The following SGCZ variants were observed in gnomAD, a reference collection of about 807,000 sequenced individuals.
SGCZ encodes zeta-sarcoglycan.
A neutral mutation model predicts 41.3 loss-of-function variants in SGCZ; 40 were observed. That is an observed-to-expected ratio of 0.97 (90% CI 0.75 to 1.26). The LOEUF (loss-of-function observed/expected upper bound fraction) is 1.26, where lower values mean the gene tolerates loss of function less well. Ranked by LOEUF, SGCZ falls within the 50% of genes most tolerant of loss-of-function variation. The pLI is 0.00. For missense variants in SGCZ, 552 were observed against 369.8 expected, an observed-to-expected ratio of 1.49 and a Z score of -4.04; for synonymous variants, 206 against 137.5, an observed-to-expected ratio of 1.50 and a Z score of -3.49.
At chr8:15,058,279 C>T (rs1804789227) in intron 1 of SGCZ, among the ~76,000 whole-genome samples, 1 of 152,086 alleles carries the variant, frequency 6.6e-6, no homozygotes, top group South Asian at 2.1e-4. Flanking sequence ...CTTTTCTATA[C>T]TGTGATCTGT....
At chr8:15,118,893 A>G (rs113026159) in intron 1 of SGCZ, among the ~76,000 whole-genome samples, 1,751 of 152,308 alleles carry the variant, frequency 0.011, 31 homozygotes, top group African/African-American at 0.041. Context: ...AAAGGAGTAT[A>G]GACACGTTCC....
intron 1 of SGCZ, among the ~76,000 whole-genome samples, chr8:15,208,651 G>A (rs979640128): frequency 2.6e-5 from 4 of 152,048 alleles, no homozygotes; most frequent in East Asian, 1.9e-4. Flanking sequence ...TATTAGCAAT[G>A]TGTCAGTTGA....
intron 1 of SGCZ, among the ~76,000 whole-genome samples, chr8:14,937,600 C>T (rs1186740985): frequency 1.6e-4 from 25 of 151,958 alleles, no homozygotes; most frequent in East Asian, 7.7e-4. Context: ...AACATATATA[C>T]GTACGCATAT....
chr8:14,344,339 T>G (rs1313970822), intron 2 of SGCZ, among the ~76,000 whole-genome samples: 1 of 148,072 alleles, frequency 6.8e-6, no homozygotes, highest in African/African-American at 2.5e-5. Flanking sequence ...CCAGGAAAAA[T>G]ACAAAAAAAA....
intron 1 of SGCZ, among the ~76,000 whole-genome samples, chr8:14,960,878 T>C (rs902321989): frequency 2.6e-4 from 39 of 151,906 alleles, no homozygotes; most frequent in Non-Finnish European, 1.2e-4. Flanking sequence ...AAAGTGGAAT[T>C]GTATTCACTT....
intron 4 of SGCZ, among the ~76,000 whole-genome samples, chr8:14,222,278 A>C (rs1355638328): frequency 3.3e-5 from 5 of 151,720 alleles, no homozygotes; most frequent in African/African-American, 1.2e-4. Context: ...TCAAGCAATT[A>C]TCTGCCTCAG....
At chr8:14,824,470 A>T (rs1802222521) in intron 1 of SGCZ, among the ~76,000 whole-genome samples, 1 of 152,124 alleles carries the variant, frequency 6.6e-6, no homozygotes, top group Non-Finnish European at 1.5e-5. Context: ...CCTCATTGTT[A>T]CTTCAAATAT....
At chr8:14,470,600 A>T (rs1479259825) in intron 2 of SGCZ, among the ~76,000 whole-genome samples, 1 of 152,158 alleles carries the variant, frequency 6.6e-6, no homozygotes, top group Non-Finnish European at 1.5e-5. Context: ...AATGATTTTT[A>T]TCCATTTATT....
In SGCZ at chr8:14,497,728, T is replaced by A. The variant is rs1563368402; in HGVS notation, c.234+57004A>T. Among the ~76,000 whole-genome samples the A allele has an allele frequency of 2.0e-5, 3 of 152,140 alleles. No individual in the cohort carries two copies. The South Asian group carries it at 6.2e-4, about 32-fold the overall frequency. On this transcript the variant is annotated intron_variant, in intron 2 of 7. Transcript: ENST00000382080. ...CCTGTGCTAAACCGTTCATAAGGGA[T>A]CCACCCCATGATCTAATACCTCCCA...
chr8:15,138,385 T>G (rs190170685), intron 1 of SGCZ, among the ~76,000 whole-genome samples: 1 of 152,060 alleles, frequency 6.6e-6, no homozygotes, highest in South Asian at 2.1e-4. Flanking sequence ...TGGGAGGGCA[T>G]GATTGTGATT....
At chr8:14,651,825 A>G (rs770972629) in intron 1 of SGCZ, among the ~76,000 whole-genome samples, 3 of 152,076 alleles carry the variant, frequency 2.0e-5, no homozygotes, top group Non-Finnish European at 4.4e-5. Flanking sequence ...TTGCTCCTCA[A>G]AATATTTCAA....
chr8:14,471,261 G>A (rs1314559229), intron 2 of SGCZ, among the ~76,000 whole-genome samples: 5 of 152,122 alleles, frequency 3.3e-5, no homozygotes, highest in African/African-American at 9.7e-5. Flanking sequence ...TTTGACTCAT[G>A]TAGTGTACTC....
chr8:15,205,649 G>T (rs1464469035), intron 1 of SGCZ, among the ~76,000 whole-genome samples: 2 of 152,044 alleles, frequency 1.3e-5, no homozygotes, highest in Admixed American at 1.3e-4. Context: ...CGTATACACT[G>T]ATACACTGTT....
chr8:14,728,417 T>C (rs1382709473), intron 1 of SGCZ, among the ~76,000 whole-genome samples: 3 of 143,184 alleles, frequency 2.1e-5, no homozygotes, highest in Non-Finnish European at 3.1e-5. Flanking sequence ...CCAAAATTAA[T>C]GCAGTAAAAA....
intron 5 of SGCZ, among the ~76,000 whole-genome samples, chr8:14,154,920 C>T (rs1218800129): frequency 6.6e-6 from 1 of 152,182 alleles, no homozygotes; most frequent in African/African-American, 2.4e-5. Flanking sequence ...TACCAGCCCT[C>T]AAATTCTGAG....
At chr8:15,188,356 G>A (rs1800416501) in intron 1 of SGCZ, among the ~76,000 whole-genome samples, 5 of 152,082 alleles carry the variant, frequency 3.3e-5, no homozygotes, top group Admixed American at 3.3e-4. Flanking sequence ...TAGACATATT[G>A]TCAACTATAT....
chr8:15,025,423 T>C (rs1336163826), intron 1 of SGCZ, among the ~76,000 whole-genome samples: 1 of 152,230 alleles, frequency 6.6e-6, no homozygotes, highest in African/African-American at 2.4e-5. Context: ...CAGGAAAAAC[T>C]GAAAAATAAA....
At chr8:14,196,686 T>C (rs1805277015) in intron 4 of SGCZ, among the ~76,000 whole-genome samples, 2 of 152,238 alleles carry the variant, frequency 1.3e-5, no homozygotes, top group African/African-American at 4.8e-5. Flanking sequence ...ATGTATGCAA[T>C]GGAATATATT....
intron 1 of SGCZ, among the ~76,000 whole-genome samples, chr8:14,947,043 G>T (rs1027317875): frequency 1.3e-5 from 2 of 151,880 alleles, no homozygotes; most frequent in Non-Finnish European, 2.9e-5. Context: ...AAAAATCTTT[G>T]TATTTCTTTA....
Sources: allele counts gnomAD v4.1 joint callset (sites outside exome capture counted in the v4.1 genomes callset), GRCh38; gene constraint gnomAD v4.1.1; transcripts MANE v1.5; gene names NCBI Gene and HGNC (gene_info 2026-07-23, HGNC 2026-07-21).